The following CLPB variants were observed in gnomAD, a reference collection of about 807,000 sequenced individuals.
CLPB encodes mitochondrial disaggregase.
Under a neutral mutation model 78.4 loss-of-function variants are expected in CLPB, and 40 were observed. The observed-to-expected ratio is 0.51, with a 90% confidence interval of 0.40 to 0.66. CLPB has a LOEUF of 0.66. Among genes scored for constraint, CLPB ranks in the 30% least tolerant of loss-of-function variants. CLPB has a pLI of 0.00. For synonymous variants in CLPB, 333 were observed against 348.0 expected, an observed-to-expected ratio of 0.96 and a Z score of 0.48; for missense variants, 780 against 886.9, an observed-to-expected ratio of 0.88 and a Z score of 1.53.
intron 3 of CLPB, among the ~76,000 whole-genome samples, chr11:72,388,473 G>A (rs186706225): frequency 2.8e-4 from 42 of 152,080 alleles, no homozygotes; most frequent in African/African-American, 9.9e-4. Context: ...GGATGGTCTC[G>A]ATCTCCTGAC....
rs367578291 is a variant in CLPB at position 72,336,928 on chromosome 11, C to G, written c.776-7124G>C. The G allele has an allele frequency of 2.7e-4, 107 of 395,698 alleles. 1 individual carries two copies. The East Asian group carries it at 3.8e-3, about 14-fold the overall frequency. The allele number at this position is 395,698 out of a possible 1,614,324, so 24.5% of individuals were successfully genotyped here. A position where few individuals can be genotyped will look rare whatever the true frequency, so the allele number is the denominator to read the frequency against. ...TCCGATTACCCAGATCCTGCCCATTCTTCAAGGCCCAGTTCTCTCCTCCTC... is the reference window on the plus strand; with the variant it reads ...TCCGATTACCCAGATCCTGCCCATTGTTCAAGGCCCAGTTCTCTCCTCCTC... On this transcript the variant is annotated intron_variant, in intron 5 of 15. Transcript: ENST00000538039.
intron 2 of CLPB, among the ~76,000 whole-genome samples, chr11:72,403,484 C>T (rs1397901151): frequency 6.6e-6 from 1 of 152,170 alleles, no homozygotes; most frequent in Non-Finnish European, 1.5e-5. Flanking sequence ...CCTTGTGGCT[C>T]GTGGACTCCT....
At chr11:72,380,664 C>T (rs1470683717) in intron 3 of CLPB, among the ~76,000 whole-genome samples, 1 of 152,100 alleles carries the variant, frequency 6.6e-6, no homozygotes, top group Non-Finnish European at 1.5e-5. Flanking sequence ...CATAGTGAAA[C>T]TTCATTTTTA....
Position 72,434,256 on chromosome 11 carries a change from G to A in CLPB, c.219C>T (p.Arg73=). Residue 73 remains arginine (R), a synonymous_variant, in exon 1 of 16, where the codon CGC becomes CGT. Transcript: ENST00000538039. The part of the protein sequence containing the change: ...FSGRGAATGG[R]QGGRFDTKCL... Reference sequence around the variant, plus strand: ...ATTTGGTATCGAAGCGTCCTCCCTGGCGCCCCCCGGTGGCTGCCCCACGTC... The same window carrying A: ...ATTTGGTATCGAAGCGTCCTCCCTGACGCCCCCCGGTGGCTGCCCCACGTC... 1.9e-6 allele frequency: 3 copies of A among 1,613,320 alleles called. No homozygotes were observed. Among genetic ancestry groups the A allele is most frequent in the Non-Finnish European group, 2.5e-6 (3 of 1,179,912 alleles).
At chr11:72,295,709 A>G in intron 11 of CLPB, 61 bp from the exon 12 acceptor site, 1 of 1,555,910 alleles carries the variant, frequency 6.4e-7, no homozygotes, top group Middle Eastern at 1.7e-4. Flanking sequence ...AGGCCTTAGC[A>G]CTCTCAGTTC....
chr11:72,294,050 T>C lies in CLPB; in HGVS notation c.1757A>G (p.His586Arg), dbSNP rs1156338045. Residue 586 changes from histidine to arginine, a missense_variant, in exon 15 of 16, where the codon CAC becomes CGC. Physicochemically the swap from His to Arg is conservative, Grantham distance 29. This residue lies in a region of CLPB where 272 missense variants were observed against 304.0 expected (regional missense o/e 0.89). Coordinates refer to ENST00000538039, the MANE Select transcript of CLPB (RefSeq NM_001258392.3). ...ADVLVDGYNVHYGARSIKHEV... is the reference protein window; with the variant it reads ...ADVLVDGYNVRYGARSIKHEV... ...ATGTTTGATGGAGCGGGCGCCATAG[T>C]GCACATTGTAGCCGTCGACCAGCAC... 4 of 1,614,010 alleles carry C rather than the reference T, an allele frequency of 2.5e-6. No individual in the cohort carries two copies. The highest frequency in any genetic ancestry group is 1.3e-5 in the African/African-American group (1 of 74,942).
At chr11:72,308,714 C>T (rs1949790504) in intron 7 of CLPB, 110 bp from the exon 8 acceptor site, 24 of 995,184 alleles carry the variant, frequency 2.4e-5, no homozygotes, top group Non-Finnish European at 3.6e-5. Flanking sequence ...CTGCTCTGCG[C>T]CCACTCAAAG....
At chr11:72,303,002 G>A (rs1949686899) in intron 9 of CLPB, 1 of 152,562 alleles carries the variant, frequency 6.6e-6, no homozygotes, top group Non-Finnish European at 1.5e-5. Flanking sequence ...CAGGGTGTAG[G>A]GGTGATTTCC....
In CLPB at chr11:72,293,578, T is replaced by C. The variant is rs924628232; in HGVS notation, c.1823A>G (p.Tyr608Cys). 39 of 1,613,774 alleles carry C rather than the reference T, an allele frequency of 2.4e-5. No homozygotes were observed. Among genetic ancestry groups the C allele is most frequent in the Middle Eastern group, 3.3e-4 (2 of 6,082 alleles). ...GCCCCCTGGCAGCAGGTCCTGCTCATAGGCTGCTGCCAGCTGGTTCACCAC... is the reference window on the plus strand; with the variant it reads ...GCCCCCTGGCAGCAGGTCCTGCTCACAGGCTGCTGCCAGCTGGTTCACCAC... Reference protein sequence around the residue: ...RRVVNQLAAAYEQDLLPGGCT... With the variant: ...RRVVNQLAAACEQDLLPGGCT... Residue 608 changes from tyrosine (Y) to cysteine (C), a missense_variant, in exon 16 of 16, where the codon TAT becomes TGT. Physicochemically the swap from Tyr to Cys is radical, Grantham distance 194. Coordinates refer to ENST00000538039, the MANE Select transcript of CLPB (RefSeq NM_001258392.3).
chr11:72,382,755 T>C (rs1463957294), intron 3 of CLPB, among the ~76,000 whole-genome samples: 8 of 152,098 alleles, frequency 5.3e-5, no homozygotes, highest in Non-Finnish European at 4.4e-5. Flanking sequence ...CTGGATAAGT[T>C]CCTACTTTTT....
At chr11:72,328,164 G>T (rs1372065605) in intron 6 of CLPB, among the ~76,000 whole-genome samples, 1 of 152,180 alleles carries the variant, frequency 6.6e-6, no homozygotes, top group African/African-American at 2.4e-5. Flanking sequence ...AACTGCAGAT[G>T]TAAGACCCTT....
rs377323849 is a variant in CLPB, at chr11:72,373,428, G to T, written c.646+6853C>A. On this transcript the variant is annotated intron_variant, in intron 4 of 15. Transcript: ENST00000538039. ...TGAGGATTACGGCCCCCACCCATCA[G>T]CCAGCCACAAGTGGAACACTCCTGG... Among the ~76,000 whole-genome samples, 19 of 152,290 alleles carry T rather than the reference G, an allele frequency of 1.2e-4. No homozygotes were observed. In the South Asian group the frequency reaches 3.9e-3, roughly 32 times the overall value.
chr11:72,424,763 G>A (rs1856318470), intron 2 of CLPB, among the ~76,000 whole-genome samples: 2 of 152,144 alleles, frequency 1.3e-5, no homozygotes, highest in African/African-American at 4.8e-5. Context: ...GCGGGCACCT[G>A]TAGTCCCAGC....
intron 3 of CLPB, 144 bp from the exon 4 acceptor site, chr11:72,380,528 G>T: frequency 3.0e-6 from 2 of 662,276 alleles, no homozygotes; most frequent in Non-Finnish European, 5.4e-6. Flanking sequence ...AACTTTGGGA[G>T]TGTAAAAGAC....
intron 9 of CLPB, among the ~76,000 whole-genome samples, chr11:72,306,097 C>T (rs183462069): frequency 9.7e-4 from 148 of 152,330 alleles, no homozygotes; most frequent in African/African-American, 2.9e-3. Flanking sequence ...GCATGCTATG[C>T]GCTGCTTCTT....
In CLPB at chr11:72,288,494, A is replaced by T. The variant is rs545725435; in HGVS notation, c.*4873T>A. ...ACAGAGCAAGACTCTGTCTCAAAAA[A>T]CAAAACAAAACAAAAGAAATCTGGG... On this transcript the variant is annotated 3_prime_UTR_variant, in exon 16 of 16. Transcript: ENST00000538039. 1.5e-4 allele frequency: 23 copies of T among 152,472 alleles called. No individual in the cohort carries two copies. The highest frequency in any genetic ancestry group is 5.5e-4 in the African/African-American group (23 of 41,550). The allele number at this position is 152,472 out of a possible 1,614,324, so 9.4% of individuals were successfully genotyped here. A position where few individuals can be genotyped will look rare whatever the true frequency, so the allele number is the denominator to read the frequency against.
chr11:72,341,283 G>A (rs990287366), intron 5 of CLPB, among the ~76,000 whole-genome samples: 1 of 152,302 alleles, frequency 6.6e-6, no homozygotes, highest in Non-Finnish European at 1.5e-5. Context: ...TTAATAGACA[G>A]AAGGGAGACT....
At chr11:72,404,847 GAGGATTTACTCTGGTGA>G (rs1297958613) in intron 2 of CLPB, among the ~76,000 whole-genome samples, 3 of 152,154 alleles carry the variant, frequency 2.0e-5, no homozygotes, top group Admixed American at 1.3e-4. Context: ...CTCTAGTTTG[GAGGATTTACTCTGGTGA>G]AGGTCCCTTA....
chr11:72,353,691 G>A (rs1196993587), intron 5 of CLPB, among the ~76,000 whole-genome samples: 3 of 152,196 alleles, frequency 2.0e-5, no homozygotes, highest in Non-Finnish European at 4.4e-5. Context: ...CAAATCCAGA[G>A]AACAGGAAAG....
Sources: allele counts gnomAD v4.1 joint callset (sites outside exome capture counted in the v4.1 genomes callset), GRCh38; gene constraint gnomAD v4.1.1; regional missense constraint gnomAD v4.1.1; transcripts MANE v1.5; gene names NCBI Gene and HGNC (gene_info 2026-07-23, HGNC 2026-07-21).